ARHGEF10L: variants seen among roughly 807,000 people sequenced by gnomAD.
ARHGEF10L encodes the protein Rho guanine nucleotide exchange factor 10 like, also known as rho guanine nucleotide exchange factor 10-like protein.
In ARHGEF10L, 69 loss-of-function variants were observed where a neutral mutation model predicts 141.2. The ratio of observed to expected loss-of-function variants is 0.49; its 90% CI spans 0.40 to 0.60. The LOEUF is 0.60. Among genes scored for constraint, ARHGEF10L ranks in the 20% least tolerant of loss-of-function variants. The pLI is 0.00. For synonymous variants in ARHGEF10L, 711 were observed against 718.5 expected, an observed-to-expected ratio of 0.99 and a Z score of 0.17; for missense variants, 1,482 against 1,734.3, an observed-to-expected ratio of 0.85 and a Z score of 2.58.
chr1:17,679,040 G>T (rs2063909376), intron 26 of ARHGEF10L, among the ~76,000 whole-genome samples: 1 of 152,194 alleles, frequency 6.6e-6, no homozygotes, highest in South Asian at 2.1e-4. Context: ...GAAATTTGGG[G>T]TCTGGCCACC....
chr1:17,618,395 C>T lies in ARHGEF10L; in HGVS notation c.836-944C>T, dbSNP rs981238736. 1.2e-5 allele frequency: 18 copies of T among 1,543,246 alleles called. No individual in the cohort carries two copies. In the African/African-American group the frequency reaches 2.2e-4, roughly 19 times the overall value. On this transcript the variant is annotated intron_variant, in intron 9 of 28. Transcript: ENST00000361221. The stretch of plus-strand genomic sequence containing the variant: ...CGTGGGGGAAGAGGAAGCTGCGAGG[C>T]AGGCTGGGGTGGGTGCGGAGTGATG...
chr1:17,655,777 T>A, intron 23 of ARHGEF10L, 102 bp from the exon 24 acceptor site: 1 of 1,058,312 alleles, frequency 9.4e-7, no homozygotes, highest in Non-Finnish European at 1.4e-6. Flanking sequence ...GAAGGGATGC[T>A]TCTCTCAGGG....
At position 17,545,778 on chromosome 1, in the gene ARHGEF10L, A is replaced by T. The variant is rs1349225687; in HGVS notation, c.-44+5828A>T. On this transcript the variant is annotated intron_variant, in intron 1 of 28. Transcript: ENST00000361221. ...ACATCCTGTGATCTCTGGTTGGAAG[A>T]TGGACATGTGCACATGTTACATACA... 2.0e-5 allele frequency among the ~76,000 whole-genome samples: 3 copies of T among 152,160 alleles called. No homozygotes were observed. In the South Asian group the frequency reaches 6.2e-4, roughly 32 times the overall value.
intron 26 of ARHGEF10L, among the ~76,000 whole-genome samples, chr1:17,675,832 GTGTGTT>G (rs2063640716): frequency 6.7e-6 from 1 of 149,402 alleles, no homozygotes; most frequent in Non-Finnish European, 1.5e-5. Context: ...GGGTACAGGT[GTGTGTT>G]CAGGTGTGGG....
At chr1:17,588,039 C>A (rs1022416891) in intron 3 of ARHGEF10L, among the ~76,000 whole-genome samples, 6 of 152,122 alleles carry the variant, frequency 3.9e-5, no homozygotes, top group Non-Finnish European at 7.4e-5. Context: ...GGCAGGAGGG[C>A]CCTGATAAGC....
intron 1 of ARHGEF10L, 98 bp from the exon 2 acceptor site, chr1:17,580,455 C>G (rs889847749): frequency 6.5e-6 from 7 of 1,069,904 alleles, no homozygotes; most frequent in African/African-American, 3.1e-5. Context: ...CTGAGAGCCA[C>G]TGGGCTGAAG....
At position 17,619,507 on chromosome 1, in the gene ARHGEF10L, C is replaced by A. The variant is rs2059992091; in HGVS notation, c.942+62C>A. On this transcript the variant is annotated intron_variant, in intron 10 of 28. Coordinates refer to ENST00000361221, the MANE Select transcript of ARHGEF10L (RefSeq NM_018125.4). This position sits in a 1 kb window ranked among gnomAD's most constrained non-coding sequence, Gnocchi z 5.0. ...GGAAGGGGTGGCTTGGGGGTTCCAG[C>A]CTGTTCTCTGGGGCCACGCTTGTCT... 3 of 1,353,096 alleles carry A rather than the reference C, an allele frequency of 2.2e-6. No homozygotes were observed. Among genetic ancestry groups the A allele is most frequent in the Non-Finnish European group, 3.0e-6 (3 of 986,842 alleles). 83.8% of individuals were successfully genotyped at this position (1,353,096 alleles called of 1,614,324 possible). A position where few individuals can be genotyped will look rare whatever the true frequency, so the allele number is the denominator to read the frequency against.
chr1:17,662,009 G>T (rs1281324675), intron 25 of ARHGEF10L, among the ~76,000 whole-genome samples: 5 of 152,206 alleles, frequency 3.3e-5, no homozygotes, highest in Non-Finnish European at 7.3e-5. Flanking sequence ...TAGCTCCATG[G>T]GTCGCCGTTG....
chr1:17,623,023 G>C lies in ARHGEF10L; in HGVS notation c.1048G>C (p.Glu350Gln), dbSNP rs373678458. 10 of 1,613,636 alleles carry C rather than the reference G, an allele frequency of 6.2e-6. No individual in the cohort carries two copies. Among genetic ancestry groups the C allele is most frequent in the Non-Finnish European group, 8.5e-6 (10 of 1,179,954 alleles). ...CTACCGCAACCCCCTGATGGAGATG[G>C]AGCCCAAGGCGCTGAGCGCCCGCAA... The part of the protein sequence containing the change: ...QDYRNPLMEM[E>Q]PKALSARKCQ... The change falls in exon 12 of 29, where the codon GAG (glutamate) becomes CAG (glutamine). Residue 350 changes from glutamate to glutamine, a missense_variant. This residue lies in a region of ARHGEF10L where 392 missense variants were observed against 542.1 expected (regional missense o/e 0.72). Transcript: ENST00000361221. The surrounding 1 kb of genome is among the most constrained non-coding windows in gnomAD (Gnocchi z 4.7).
chr1:17,669,659 C>T (rs745603094), intron 26 of ARHGEF10L, among the ~76,000 whole-genome samples: 10 of 152,216 alleles, frequency 6.6e-5, no homozygotes, highest in Non-Finnish European at 1.3e-4. Flanking sequence ...TCAGATGTAA[C>T]TCCCAGGAGC....
chr1:17,588,074 C>T (rs1308223033), intron 3 of ARHGEF10L, among the ~76,000 whole-genome samples: 1 of 152,144 alleles, frequency 6.6e-6, no homozygotes, highest in Non-Finnish European at 1.5e-5. Context: ...AGCTTCTGGG[C>T]TCTTAGAGTC....
At chr1:17,659,692 A>G (rs1220580795) in intron 25 of ARHGEF10L, among the ~76,000 whole-genome samples, 1 of 152,238 alleles carries the variant, frequency 6.6e-6, no homozygotes, top group Non-Finnish European at 1.5e-5. Flanking sequence ...CAGGTACTCC[A>G]TGAAATATTT....
intron 1 of ARHGEF10L, among the ~76,000 whole-genome samples, chr1:17,574,379 G>A (rs185895701): frequency 2.6e-5 from 4 of 152,324 alleles, no homozygotes; most frequent in East Asian, 3.9e-4. Context: ...CTGGTGTTCC[G>A]GTGGAATACG....
intron 1 of ARHGEF10L, among the ~76,000 whole-genome samples, chr1:17,550,962 G>A (rs1165053151): frequency 6.6e-6 from 1 of 152,080 alleles, no homozygotes; most frequent in East Asian, 1.9e-4. Context: ...CTCACGATAA[G>A]TCTGTGAGGT....
At chr1:17,536,732 G>A (rs1019842900), upstream of ARHGEF10L, among the ~76,000 whole-genome samples, 2 of 152,182 alleles carry the variant, frequency 1.3e-5, no homozygotes, top group African/African-American at 4.8e-5. Context: ...AGAGGGCTGC[G>A]AGTGACGTTG....
At chr1:17,598,032 A>AC (rs1469356432) in intron 4 of ARHGEF10L, among the ~76,000 whole-genome samples, 29 of 152,050 alleles carry the variant, frequency 1.9e-4, no homozygotes, top group Admixed American at 3.3e-4. Context: ...TTTCTCTTGG[A>AC]CAGTGTCTGA....
chr1:17,695,381 G>A, intron 28 of ARHGEF10L, 101 bp downstream of exon 28: 2 of 1,448,956 alleles, frequency 1.4e-6, no homozygotes, highest in Non-Finnish European at 1.8e-6. Flanking sequence ...TTGGTATAGG[G>A]ATGGGGTTCC....
At chr1:17,664,047 T>G (rs538978859) in intron 25 of ARHGEF10L, among the ~76,000 whole-genome samples, 1 of 152,272 alleles carries the variant, frequency 6.6e-6, no homozygotes, top group African/African-American at 2.4e-5. Flanking sequence ...CTCTGACCAG[T>G]GGGGCTTCCT....
chr1:17,627,501 A>G lies in ARHGEF10L; in HGVS notation c.1582A>G (p.Lys528Glu). 1 of 1,611,676 alleles carries G rather than the reference A, an allele frequency of 6.2e-7. No individual in the cohort carries two copies. Among genetic ancestry groups the G allele is most frequent in the Non-Finnish European group, 8.5e-7 (1 of 1,179,696 alleles). Residue 528 changes from lysine to glutamate, a missense_variant and splice_region_variant, in exon 15 of 29, where the codon AAG (lysine) becomes GAG (glutamate). Lys to Glu is a moderately conservative substitution (Grantham distance 56). Transcript: ENST00000361221. This position sits in a 1 kb window ranked among gnomAD's most constrained non-coding sequence, Gnocchi z 4.0. The stretch of plus-strand genomic sequence containing the variant: ...CGTCAGTGACCGCAGCAGCCTCAAC[A>G]AGGTGAGCTGGGCCTCCCACCTGCC... ...KSVSDRSSLN[K>E]LLTSGQRQLL... is the part of the protein sequence containing the mutation.
Sources: allele counts gnomAD v4.1 joint callset (sites outside exome capture counted in the v4.1 genomes callset), GRCh38; gene constraint gnomAD v4.1.1; regional missense constraint gnomAD v4.1.1; non-coding constraint Gnocchi (gnomAD v3.1); transcripts MANE v1.5; gene names NCBI Gene and HGNC (gene_info 2026-07-23, HGNC 2026-07-21).